Variants in BCAS1 observed in about 807,000 individuals in gnomAD.
BCAS1 encodes breast carcinoma-amplified sequence 1.
In BCAS1, 46 loss-of-function variants were observed where a neutral mutation model predicts 65.4. That is an observed-to-expected ratio of 0.70 (90% CI 0.55 to 0.90). The LOEUF is 0.90. BCAS1 is among the 40% of genes least tolerant of loss of function. The pLI, the probability that BCAS1 is intolerant of heterozygous loss-of-function variation, is 0.00. For missense variants in BCAS1, 793 were observed against 771.2 expected (o/e 1.03, Z -0.33); for synonymous variants, 298 against 293.5 (o/e 1.02, Z -0.16).
chr20:54,056,566 A>T (rs937564379), intron 3 of BCAS1, among the ~76,000 whole-genome samples: 1 of 152,150 alleles, frequency 6.6e-6, no homozygotes. Context: ...AATCACATCC[A>T]TGTAACCAAA....
At chr20:54,017,826 G>T (rs1470079100) in intron 4 of BCAS1, among the ~76,000 whole-genome samples, 1 of 152,122 alleles carries the variant, frequency 6.6e-6, no homozygotes, top group Non-Finnish European at 1.5e-5. Context: ...TTCCTAACAA[G>T]CACAACCTTC....
intron 10 of BCAS1, among the ~76,000 whole-genome samples, chr20:53,964,627 G>A (rs796787980): frequency 2.6e-5 from 4 of 152,198 alleles, no homozygotes; most frequent in African/African-American, 7.2e-5. Flanking sequence ...TCCAAAGGAC[G>A]CTTTTCTTTT....
intron 7 of BCAS1, among the ~76,000 whole-genome samples, chr20:53,987,803 G>T (rs2090652054): frequency 6.6e-6 from 1 of 152,184 alleles, no homozygotes; most frequent in African/African-American, 2.4e-5. Flanking sequence ...AAGGATGGTT[G>T]TGCTTTGATC....
At chr20:54,054,261 C>T (rs1039483083) in intron 3 of BCAS1, among the ~76,000 whole-genome samples, 1 of 152,132 alleles carries the variant, frequency 6.6e-6, no homozygotes, top group Non-Finnish European at 1.5e-5. Flanking sequence ...CAAACCGTAT[C>T]ACCAATGAAT....
intron 1 of BCAS1, among the ~76,000 whole-genome samples, chr20:54,062,975 A>G (rs1019696049): frequency 3.9e-5 from 6 of 152,256 alleles, no homozygotes; most frequent in Non-Finnish European, 8.8e-5. Context: ...AAATGAATTC[A>G]GCCTACAGGA....
At chr20:54,025,991 T>C (rs1600910945) in intron 4 of BCAS1, among the ~76,000 whole-genome samples, 1 of 152,166 alleles carries the variant, frequency 6.6e-6, no homozygotes, top group Admixed American at 6.5e-5. Context: ...GAGGGAGAAA[T>C]GGCTATTTCA....
chr20:54,006,258 C>A (rs1047311513), intron 4 of BCAS1, among the ~76,000 whole-genome samples: 1 of 152,182 alleles, frequency 6.6e-6, no homozygotes, highest in African/African-American at 2.4e-5. Flanking sequence ...CTTAACCCCT[C>A]CTCCCTAAAC....
intron 12 of BCAS1, 43 bp from the exon 13 acceptor site, chr20:53,945,039 T>C (rs762498900): frequency 1.9e-6 from 3 of 1,554,962 alleles, no homozygotes; most frequent in South Asian, 1.1e-5. Context: ...TGAAGCTCTG[T>C]AATGTCAACA....
chr20:54,032,068 T>TAAGAA (rs1309542649), intron 3 of BCAS1, among the ~76,000 whole-genome samples: 2 of 151,076 alleles, frequency 1.3e-5, no homozygotes, highest in East Asian at 3.9e-4. Context: ...GAAAAAATGC[T>TAAGAA]AAAGGCAACT....
intron 2 of BCAS1, among the ~76,000 whole-genome samples, chr20:54,058,362 C>A (rs183099565): frequency 7.7e-4 from 118 of 152,280 alleles, no homozygotes; most frequent in African/African-American, 2.7e-3. Flanking sequence ...TATGAGAGCA[C>A]ACCATGGTGC....
chr20:53,998,180 G>A (rs2090967202), intron 4 of BCAS1, among the ~76,000 whole-genome samples: 2 of 151,978 alleles, frequency 1.3e-5, no homozygotes, highest in Admixed American at 1.3e-4. Flanking sequence ...TTCTCCTCTG[G>A]GGTTGGCAGT....
At chr20:53,968,348 A>G (rs914451317) in intron 9 of BCAS1, among the ~76,000 whole-genome samples, 2 of 152,160 alleles carry the variant, frequency 1.3e-5, no homozygotes, top group African/African-American at 2.4e-5. Context: ...TTGCTGGGCC[A>G]GACCCCTAGC....
intron 5 of BCAS1, 123 bp from the exon 6 acceptor site, chr20:53,995,179 G>C: frequency 1.3e-6 from 1 of 773,196 alleles, no homozygotes; most frequent in East Asian, 2.6e-5. Flanking sequence ...AAAATGAGAA[G>C]TATTTTTAGT....
At chr20:53,967,284 A>G (rs2090060054) in intron 9 of BCAS1, among the ~76,000 whole-genome samples, 1 of 152,192 alleles carries the variant, frequency 6.6e-6, no homozygotes, top group Non-Finnish European at 1.5e-5. Context: ...TTGACATGGA[A>G]GTGGCAAAAT....
intron 11 of BCAS1, among the ~76,000 whole-genome samples, chr20:53,954,294 GGAGAGAGAGAGAGA>G (rs71196437): frequency 1.2e-3 from 153 of 125,914 alleles, no homozygotes; most frequent in East Asian, 0.011. Flanking sequence ...GCTGAGAAAT[GGAGAGAGAGAGAGA>G]GAGAGAGAGA....
intron 1 of BCAS1, among the ~76,000 whole-genome samples, chr20:54,065,196 A>C (rs200255277): frequency 8.0e-5 from 10 of 125,634 alleles, no homozygotes; most frequent in South Asian, 5.2e-4. Flanking sequence ...CACACACACT[A>C]TATATATAAC....
At chr20:53,947,539 T>C (rs2089365899) in intron 12 of BCAS1, among the ~76,000 whole-genome samples, 1 of 152,112 alleles carries the variant, frequency 6.6e-6, no homozygotes, top group Non-Finnish European at 1.5e-5. Context: ...GCCTCATCTG[T>C]GTGAGGTCTT....
intron 4 of BCAS1, among the ~76,000 whole-genome samples, chr20:54,006,459 TA>T (rs1184889743): frequency 1.3e-5 from 2 of 152,052 alleles, no homozygotes; most frequent in Non-Finnish European, 2.9e-5. Flanking sequence ...CCTGTAATCC[TA>T]GCACTTTGGG....
At position 53,992,583 on chromosome 20, in the gene BCAS1, T is replaced by C; in HGVS notation, c.991A>G (p.Arg331Gly). ...AGQKTSEIQA[R>G]GTKKKHLDSP... ...TCCAGGTGCTTTTTCTTGGTGCCTC[T>C]AGCCTGGATCTCGGATGTCTTCTGA... is the stretch of plus-strand genomic sequence containing the variant. The change falls in exon 7 of 13, where the codon AGA (arginine) becomes GGA (glycine). Residue 331 changes from arginine to glycine, a missense_variant. Physicochemically the swap from Arg to Gly is moderately radical, Grantham distance 125. Transcript: ENST00000688948. 7.3e-7 allele frequency: 1 copy of C among 1,365,854 alleles called. No homozygotes were observed. The highest frequency in any genetic ancestry group is 1.1e-5 in the South Asian group (1 of 88,006). 84.6% of individuals were successfully genotyped at this position (1,365,854 alleles called of 1,614,324 possible). A position where few individuals can be genotyped will look rare whatever the true frequency, so the allele number is the denominator to read the frequency against.
Sources: gnomAD v4.1 joint callset for allele counts (sites outside exome capture counted in the v4.1 genomes callset) on GRCh38, gnomAD v4.1.1 for gene constraint, MANE v1.5 for transcripts, NCBI Gene and HGNC (gene_info 2026-07-23, HGNC 2026-07-21) for gene names.